PGM1: variants seen among roughly 807,000 people sequenced by gnomAD.
The protein encoded by PGM1 is phosphoglucomutase 1, also known as phosphoglucomutase-1.
A neutral mutation model predicts 55.6 loss-of-function variants in PGM1; 52 were observed. The ratio of observed to expected loss-of-function variants is 0.94; its 90% confidence interval spans 0.75 to 1.18. The LOEUF (loss-of-function observed/expected upper bound fraction) is 1.18, where lower values mean the gene tolerates loss of function less well. Among genes scored for constraint, PGM1 ranks in the 50% most tolerant of loss-of-function variants. The pLI is 0.00. For synonymous variants in PGM1, 287 were observed against 271.7 expected (o/e 1.06, Z -0.55); for missense variants, 724 against 729.3 (o/e 0.99, Z 0.08).
chr1:63,613,174 G>T (rs1030789214), intron 1 of PGM1, among the ~76,000 whole-genome samples: 1 of 151,816 alleles, frequency 6.6e-6, no homozygotes, highest in African/African-American at 2.4e-5. Context: ...AGGTGTAGGG[G>T]GTTGGGGGGC....
chr1:63,633,912 G>A lies in PGM1; in HGVS notation c.683-917G>A, dbSNP rs1238129534. Among the ~76,000 whole-genome samples the A allele has an allele frequency of 4.7e-4, 16 of 34,258 alleles. 1 individual carries two copies. Among genetic ancestry groups the A allele is most frequent in the South Asian group, 1.9e-3 (2 of 1,044 alleles). 22.5% of individuals were successfully genotyped at this position (34,258 alleles called of 152,430 possible). A position where few individuals can be genotyped will look rare whatever the true frequency, so the allele number is the denominator to read the frequency against. On this transcript the variant is annotated intron_variant, in intron 4 of 10. Transcript: ENST00000371084. ...TGTGTGTGTGTGTGTGTGTGTGTGT[G>A]TGTGTGTATATATATATATATTTTT...
intron 1 of PGM1, among the ~76,000 whole-genome samples, chr1:63,609,182 G>A (rs1648502747): frequency 2.6e-5 from 4 of 151,988 alleles, no homozygotes; most frequent in Admixed American, 2.6e-4. Flanking sequence ...TCAGCCACAG[G>A]CCCATCAATC....
At chr1:63,657,955 A>G (rs745726880) in intron 10 of PGM1, among the ~76,000 whole-genome samples, 1 of 152,242 alleles carries the variant, frequency 6.6e-6, no homozygotes, top group Non-Finnish European at 1.5e-5. Context: ...GGCACGTGGT[A>G]GATTCAAAGA....
In PGM1 at chr1:63,631,661, A is replaced by G. The variant is rs1033813512; in HGVS notation, c.561A>G (p.Glu187=). 6.2e-7 allele frequency: 1 copy of G among 1,613,310 alleles called. No homozygotes were observed. ...LENKFKPFTV[E]IVDSVEAYAT... ...TGATGTTGCTTGTTCTCACAGTGGA[A>G]ATTGTGGATTCGGTAGAAGCTTATG... is the stretch of plus-strand genomic sequence containing the variant. Residue 187 remains glutamate, a synonymous_variant, in exon 4 of 11, where the codon GAA becomes GAG. Transcript: ENST00000371084.
chr1:63,596,797 C>T (rs1011041453), intron 1 of PGM1, among the ~76,000 whole-genome samples: 10 of 152,132 alleles, frequency 6.6e-5, no homozygotes, highest in Admixed American at 3.9e-4. Flanking sequence ...TACATGTCAA[C>T]GGCCTCCAAC....
chr1:63,658,589 C>T (rs1327152713), intron 10 of PGM1, among the ~76,000 whole-genome samples: 2 of 151,804 alleles, frequency 1.3e-5, no homozygotes, highest in East Asian at 3.9e-4. Flanking sequence ...CCCATCTCTA[C>T]TAAAAATACA....
chr1:63,622,671 C>T (rs1648913248), intron 1 of PGM1, among the ~76,000 whole-genome samples: 1 of 152,110 alleles, frequency 6.6e-6, no homozygotes, highest in South Asian at 2.1e-4. Flanking sequence ...AAAGGAATGA[C>T]CAAGCTGTTG....
chr1:63,594,320 A>G (rs981402064), intron 1 of PGM1, among the ~76,000 whole-genome samples: 17 of 151,690 alleles, frequency 1.1e-4, no homozygotes, highest in African/African-American at 3.9e-4. Flanking sequence ...GCGGGTGCCA[A>G]TCTTTTCTCC....
chr1:63,618,726 G>A (rs1445281232), intron 1 of PGM1, among the ~76,000 whole-genome samples: 1 of 152,128 alleles, frequency 6.6e-6, no homozygotes, highest in African/African-American at 2.4e-5. Context: ...GTGAGGTGTG[G>A]CTCGGCCAAG....
At chr1:63,596,741 G>A (rs529110267) in intron 1 of PGM1, among the ~76,000 whole-genome samples, 1 of 152,234 alleles carries the variant, frequency 6.6e-6, no homozygotes, top group South Asian at 2.1e-4. Flanking sequence ...CTTTCCCATA[G>A]ATAATTCTAG....
chr1:63,610,563 C>T (rs1056485608), intron 1 of PGM1, among the ~76,000 whole-genome samples: 1 of 152,110 alleles, frequency 6.6e-6, no homozygotes, highest in African/African-American at 2.4e-5. Flanking sequence ...CTTCTTTACT[C>T]ATTTGTGAAA....
intron 1 of PGM1, among the ~76,000 whole-genome samples, chr1:63,613,905 A>G (rs551769504): frequency 6.6e-6 from 1 of 152,276 alleles, no homozygotes; most frequent in South Asian, 2.1e-4. Flanking sequence ...TGATCATCCA[A>G]AGGAGCCATA....
rs190930485 is a variant in PGM1, at chr1:63,637,812, G to A, written c.1029-873G>A. Among the ~76,000 whole-genome samples, 3 of 152,252 alleles carry A rather than the reference G, an allele frequency of 2.0e-5. No individual in the cohort carries two copies. In the East Asian group the frequency reaches 5.8e-4, roughly 29 times the overall value. On this transcript the variant is annotated intron_variant, in intron 6 of 10. Coordinates refer to ENST00000371084, the MANE Select transcript of PGM1 (RefSeq NM_002633.3). ...ATCCACATATAGAATCACAATTGAA[G>A]TACCTCATTACCCAGATAAAAGTTT...
At chr1:63,594,206 C>A (rs1570464784) in intron 1 of PGM1, 2 of 856,960 alleles carry the variant, frequency 2.3e-6, no homozygotes, top group Non-Finnish European at 2.8e-6. Context: ...CTGCTATTCT[C>A]GGCTAGGACT....
chr1:63,634,164 C>G (rs893254061), intron 4 of PGM1, among the ~76,000 whole-genome samples: 10 of 151,598 alleles, frequency 6.6e-5, no homozygotes, highest in Non-Finnish European at 1.3e-4. Flanking sequence ...CCCACTTTTC[C>G]TAGCCATGTA....
At chr1:63,654,558 A>C (rs1395064535) in intron 10 of PGM1, 92 bp downstream of exon 10, 1 of 1,264,846 alleles carries the variant, frequency 7.9e-7, no homozygotes, top group Non-Finnish European at 1.2e-6. Flanking sequence ...CATTTCTCAA[A>C]TGACTCAACA....
intron 1 of PGM1, among the ~76,000 whole-genome samples, chr1:63,602,552 A>C (rs1648273186): frequency 6.6e-6 from 1 of 152,214 alleles, no homozygotes; most frequent in Non-Finnish European, 1.5e-5. Flanking sequence ...GGTAAGTGAC[A>C]AAAGTCCTTC....
intron 1 of PGM1, among the ~76,000 whole-genome samples, chr1:63,602,488 T>C (rs1407260385): frequency 6.6e-6 from 1 of 152,238 alleles, no homozygotes; most frequent in Non-Finnish European, 1.5e-5. Flanking sequence ...TTGAGTGTGA[T>C]TGATTCAGCC....
At chr1:63,636,464 A>T in intron 6 of PGM1, 76 bp downstream of exon 6, 1 of 1,396,866 alleles carries the variant, frequency 7.2e-7, no homozygotes, top group Non-Finnish European at 1.0e-6. Context: ...TGTGCCTGGA[A>T]CACGTGTCCT....
Sources: gnomAD v4.1 joint callset for allele counts (sites outside exome capture counted in the v4.1 genomes callset) on GRCh38, gnomAD v4.1.1 for gene constraint, MANE v1.5 for transcripts, NCBI Gene and HGNC (gene_info 2026-07-23, HGNC 2026-07-21) for gene names.